ZNF827: variants seen among roughly 807,000 people sequenced by gnomAD.
The protein encoded by ZNF827 is zinc finger protein 827.
In ZNF827, 13 loss-of-function variants were observed where a neutral mutation model predicts 102.4. The observed-to-expected ratio is 0.13, with a 90% confidence interval of 0.08 to 0.20. The LOEUF is 0.20. ZNF827 is among the 10% of genes least tolerant of loss of function. ZNF827 has a pLI of 1.00. For missense variants in ZNF827, 1,103 were observed against 1,344.4 expected (o/e 0.82, Z 2.81); for synonymous variants, 523 against 536.2 (o/e 0.98, Z 0.34).
chr4:145,777,235 T>C (rs964052261), intron 9 of ZNF827, among the ~76,000 whole-genome samples: 1 of 152,232 alleles, frequency 6.6e-6, no homozygotes, highest in Non-Finnish European at 1.5e-5. Flanking sequence ...TGTCCTTTCT[T>C]TAGAAGTTTT....
intron 4 of ZNF827, 34 bp downstream of exon 4, chr4:145,885,643 AG>A: frequency 6.6e-7 from 1 of 1,504,878 alleles, no homozygotes; most frequent in Non-Finnish European, 8.9e-7. Context: ...AGAGAGAGAG[AG>A]AGAGAGAGAG....
At chr4:145,879,338 A>C (rs560593907) in intron 4 of ZNF827, among the ~76,000 whole-genome samples, 2 of 152,214 alleles carry the variant, frequency 1.3e-5, no homozygotes, top group Non-Finnish European at 2.9e-5. Context: ...GCTCACTGTA[A>C]GCACATTTGA....
chr4:145,908,257 C>T (rs1309886231), intron 1 of ZNF827, among the ~76,000 whole-genome samples: 1 of 152,204 alleles, frequency 6.6e-6, no homozygotes, highest in Non-Finnish European at 1.5e-5. Context: ...TAAATCTACT[C>T]GCAAACTATT....
chr4:145,892,134 T>A, intron 3 of ZNF827, 109 bp downstream of exon 3: 2 of 1,080,124 alleles, frequency 1.9e-6, no homozygotes, highest in African/African-American at 1.6e-5. Flanking sequence ...TCCGCATGTT[T>A]CATCAGTGAG....
intron 3 of ZNF827, among the ~76,000 whole-genome samples, chr4:145,889,210 AT>A (rs1248185558): frequency 2.6e-5 from 4 of 152,166 alleles, no homozygotes; most frequent in African/African-American, 9.6e-5. Context: ...TTTTAGAGTA[AT>A]TTTTTATACC....
chr4:145,934,740 T>G (rs1345667987), intron 1 of ZNF827, among the ~76,000 whole-genome samples: 1 of 152,198 alleles, frequency 6.6e-6, no homozygotes, highest in East Asian at 1.9e-4. Flanking sequence ...TGGCTAGTAT[T>G]GTACTTAATA....
intron 7 of ZNF827, among the ~76,000 whole-genome samples, chr4:145,838,574 G>T (rs13133304): frequency 0.25 from 37,288 of 151,956 alleles, 4,900 homozygotes; most frequent in Non-Finnish European, 0.28. Flanking sequence ...TCAATAACAA[G>T]GGACTGATTA....
At position 145,765,504 on chromosome 4, in the gene ZNF827, G is replaced by C. The variant is rs931233933; in HGVS notation, c.3052+43C>G. 4 of 1,561,250 alleles carry C rather than the reference G, an allele frequency of 2.6e-6. No homozygotes were observed. In the African/African-American group the frequency reaches 5.5e-5, roughly 21 times the overall value. The stretch of plus-strand genomic sequence containing the variant: ...CTTATTCTCAAGAATGGGTCATCCT[G>C]GGTGCGGAGGGTTGAGCAGGCTCAC... On this transcript the variant is annotated intron_variant, in intron 12 of 14. Transcript: ENST00000508784. The surrounding 1 kb of genome is among the most constrained non-coding windows in gnomAD (Gnocchi z 4.7).
intron 8 of ZNF827, among the ~76,000 whole-genome samples, chr4:145,781,079 C>G (rs897798917): frequency 9.2e-5 from 14 of 151,522 alleles, no homozygotes; most frequent in Non-Finnish European, 2.1e-4. Flanking sequence ...GCCTGAAATC[C>G]CAGCTACTCA....
rs1430690919 is a variant in ZNF827 at position 145,885,971 on chromosome 4, C to T, written c.1454G>A (p.Cys485Tyr). The change falls in exon 4 of 15, where the codon TGC (cysteine) becomes TAC (tyrosine). Residue 485 changes from cysteine (C) to tyrosine (Y), a missense_variant. Cys to Tyr is a radical substitution (Grantham distance 194). Around this residue, in one of 5 missense-constraint regions of ZNF827, gnomAD observed 157 missense variants for 211.7 expected, o/e 0.74. Coordinates refer to ENST00000508784, the MANE Select transcript of ZNF827 (RefSeq NM_001306215.2). The stretch of plus-strand genomic sequence containing the variant: ...TCCTCCTTCCCTTTGCTGCCCCAGG[C>T]AGGCACTGTCACTGAGGTGGGGAGA... ...KGSPHLSDSA[C>Y]LGQQREGGGT... 5 of 1,613,944 alleles carry T rather than the reference C, an allele frequency of 3.1e-6. No individual in the cohort carries two copies. In the Admixed American group the frequency reaches 8.3e-5, roughly 27 times the overall value.
intron 8 of ZNF827, among the ~76,000 whole-genome samples, chr4:145,793,228 C>G (rs942852977): frequency 8.1e-6 from 1 of 123,924 alleles, no homozygotes; most frequent in African/African-American, 3.0e-5. Context: ...TTAGGGTTCC[C>G]TAGAGTGACA....
chr4:145,854,347 AAAAG>A (rs1746857107), intron 5 of ZNF827, among the ~76,000 whole-genome samples: 2 of 152,064 alleles, frequency 1.3e-5, no homozygotes, highest in African/African-American at 4.8e-5. Context: ...TGAGGTCTGC[AAAAG>A]AGAGCAAGCA....
intron 7 of ZNF827, chr4:145,831,822 T>G (rs923987620): frequency 3.9e-5 from 6 of 152,104 alleles, no homozygotes; most frequent in African/African-American, 1.4e-4. Flanking sequence ...TGTTGATACT[T>G]GTTCAATATG....
At chr4:145,910,787 A>G (rs1372396981) in intron 1 of ZNF827, among the ~76,000 whole-genome samples, 1 of 152,098 alleles carries the variant, frequency 6.6e-6, no homozygotes, top group Admixed American at 6.5e-5. Flanking sequence ...ACTCTCCCTT[A>G]CTAGGAAAAT....
At chr4:145,821,297 T>G (rs1222412363) in intron 8 of ZNF827, among the ~76,000 whole-genome samples, 1 of 152,236 alleles carries the variant, frequency 6.6e-6, no homozygotes, top group Non-Finnish European at 1.5e-5. Context: ...AGATTGAGAA[T>G]GTATAGTAGG....
At chr4:145,924,032 G>C (rs887169107) in intron 1 of ZNF827, among the ~76,000 whole-genome samples, 5 of 152,202 alleles carry the variant, frequency 3.3e-5, no homozygotes, top group Admixed American at 3.3e-4. Context: ...ATCCATTGTG[G>C]TATGTTTCTA....
intron 1 of ZNF827, among the ~76,000 whole-genome samples, chr4:145,927,979 T>C (rs1375756901): frequency 6.6e-6 from 1 of 152,206 alleles, no homozygotes; most frequent in African/African-American, 2.4e-5. Flanking sequence ...AAAACCTTGG[T>C]GATGGGAGAG....
intron 1 of ZNF827, among the ~76,000 whole-genome samples, chr4:145,912,678 G>A (rs1752375076): frequency 6.6e-6 from 1 of 152,188 alleles, no homozygotes; most frequent in Non-Finnish European, 1.5e-5. Flanking sequence ...ATGCACACAG[G>A]AAGAACACCA....
At chr4:145,812,617 G>A (rs1181292054) in intron 8 of ZNF827, among the ~76,000 whole-genome samples, 3 of 151,900 alleles carry the variant, frequency 2.0e-5, no homozygotes, top group African/African-American at 7.3e-5. Flanking sequence ...AGCCTCTGCC[G>A]CCTGGGTTCA....
Sources: allele counts gnomAD v4.1 joint callset (sites outside exome capture counted in the v4.1 genomes callset), GRCh38; gene constraint gnomAD v4.1.1; regional missense constraint gnomAD v4.1.1; non-coding constraint Gnocchi (gnomAD v3.1); transcripts MANE v1.5; gene names NCBI Gene and HGNC (gene_info 2026-07-23, HGNC 2026-07-21).